DYNC2I1: variants seen among roughly 807,000 people sequenced by gnomAD.
The protein encoded by DYNC2I1 is cytoplasmic dynein 2 intermediate chain 1.
A neutral mutation model predicts 133.4 loss-of-function variants in DYNC2I1; 89 were observed. The ratio of observed to expected loss-of-function variants is 0.67; its 90% CI spans 0.56 to 0.80. The LOEUF is 0.80. Ranked by LOEUF, DYNC2I1 falls within the 30% of genes least tolerant of loss-of-function variation. The pLI is 0.00. For synonymous variants in DYNC2I1, 504 were observed against 484.3 expected (o/e 1.04, Z -0.54); for missense variants, 1,291 against 1,314.5 (o/e 0.98, Z 0.28).
In DYNC2I1 at chr7:158,891,252, C is replaced by A. The variant is rs2129482378; in HGVS notation, c.991-13C>A. 1 of 1,613,988 alleles carries A rather than the reference C, an allele frequency of 6.2e-7. No individual in the cohort carries two copies. The highest frequency in any genetic ancestry group is 1.3e-5 in the African/African-American group (1 of 75,060). ...CTGTGTCCTGGCTGATGGGGCTGTT[C>A]TCTCTCCATTAGCATGGCCACGAGG... is the stretch of plus-strand genomic sequence containing the variant. On this transcript the variant is annotated splice_polypyrimidine_tract_variant and intron_variant, in intron 7 of 24. Coordinates refer to ENST00000407559, the MANE Select transcript of DYNC2I1 (RefSeq NM_018051.5).
chr7:158,950,090 TTTTA>T (rs1470011414), downstream of DYNC2I1, among the ~76,000 whole-genome samples: 1 of 150,944 alleles, frequency 6.6e-6, no homozygotes, highest in Non-Finnish European at 1.5e-5. Flanking sequence ...GTTTTTAAAA[TTTTA>T]TTTATTTTTG....
intron 1 of DYNC2I1, among the ~76,000 whole-genome samples, chr7:158,868,310 G>T (rs184657039): frequency 9.2e-5 from 14 of 152,178 alleles, no homozygotes; most frequent in African/African-American, 3.4e-4. Context: ...GCACAGTGTG[G>T]ATTCTCTAAT....
chr7:158,870,129 A>G (rs1200617059), intron 2 of DYNC2I1, among the ~76,000 whole-genome samples: 1 of 151,954 alleles, frequency 6.6e-6, no homozygotes, highest in Non-Finnish European at 1.5e-5. Context: ...GCCATGGCTC[A>G]GGGGCCTCCG....
At chr7:158,883,911 G>A (rs1318920929) in intron 5 of DYNC2I1, among the ~76,000 whole-genome samples, 4 of 151,628 alleles carry the variant, frequency 2.6e-5, no homozygotes, top group South Asian at 2.1e-4. Flanking sequence ...TGATCCGCCC[G>A]CCTCGGCCTC....
chr7:158,906,129 T>C (rs1408136908), intron 11 of DYNC2I1, 38 bp downstream of exon 11: 4 of 1,543,152 alleles, frequency 2.6e-6, no homozygotes, highest in African/African-American at 2.8e-5. Context: ...GTGTTCAGGG[T>C]TTTAGCTTAA....
At chr7:158,866,205 C>T (rs919529661) in intron 1 of DYNC2I1, among the ~76,000 whole-genome samples, 2 of 152,060 alleles carry the variant, frequency 1.3e-5, no homozygotes, top group African/African-American at 4.8e-5. Context: ...ATGTCCTCAG[C>T]GTCCCCTGTG....
downstream of DYNC2I1, among the ~76,000 whole-genome samples, chr7:158,946,588 G>A (rs773860424): frequency 9.2e-5 from 14 of 152,250 alleles, no homozygotes; most frequent in South Asian, 2.1e-4. Context: ...TGACAGCACC[G>A]ATCCATTCAC....
intron 20 of DYNC2I1, among the ~76,000 whole-genome samples, chr7:158,928,096 G>A (rs914887514): frequency 6.6e-6 from 1 of 152,182 alleles, no homozygotes; most frequent in African/African-American, 2.4e-5. Context: ...TCCCAGGGTG[G>A]CAAAGGTCCC....
chr7:158,908,123 TA>T (rs1363906035), intron 11 of DYNC2I1, among the ~76,000 whole-genome samples: 1 of 152,104 alleles, frequency 6.6e-6, no homozygotes, highest in Admixed American at 6.5e-5. Flanking sequence ...CCACACTTTA[TA>T]CGCGTGTGGG....
intron 14 of DYNC2I1, 30 bp downstream of exon 14, chr7:158,914,351 C>G (rs374941327): frequency 2.6e-6 from 4 of 1,562,010 alleles, no homozygotes; most frequent in Admixed American, 1.8e-5. Context: ...GTTGTGTTCT[C>G]TGTGTAAGTG....
intron 14 of DYNC2I1, among the ~76,000 whole-genome samples, chr7:158,918,503 T>C (rs1269763719): frequency 6.6e-6 from 1 of 152,184 alleles, no homozygotes; most frequent in Non-Finnish European, 1.5e-5. Flanking sequence ...GTGTATGTGG[T>C]GTGAAAAACA....
the DYNC2I1 span, among the ~76,000 whole-genome samples, chr7:158,844,841 G>A: frequency 1.5e-4 from 23 of 152,176 alleles, no homozygotes; most frequent in South Asian, 2.1e-3. Context: ...GGCTGGTCTC[G>A]AACTCCCGAC....
At chr7:158,937,900 AAAAAG>A (rs1474660507) in intron 23 of DYNC2I1, among the ~76,000 whole-genome samples, 3 of 152,182 alleles carry the variant, frequency 2.0e-5, no homozygotes, top group Admixed American at 6.5e-5. Flanking sequence ...TACTGTTTCT[AAAAAG>A]AAAAAAGAAA....
rs138601045 is a variant in DYNC2I1, at chr7:158,942,866, C to T, written c.3002+718C>T. ...CGTGATGTCACTGATGGAATTAAGA[C>T]GGCTGCACTCCCATCAACACCACTG... On this transcript the variant is annotated intron_variant, in intron 24 of 24. Coordinates refer to ENST00000407559, the MANE Select transcript of DYNC2I1 (RefSeq NM_018051.5). Among the ~76,000 whole-genome samples the T allele has an allele frequency of 1.2e-4, 19 of 152,316 alleles. No homozygotes were observed. The East Asian group carries it at 2.3e-3, about 19-fold the overall frequency.
Position 158,856,742 on chromosome 7 carries a change from C to T in DYNC2I1, c.7C>T (p.Pro3Ser). The T allele has an allele frequency of 8.1e-7, 1 of 1,234,812 alleles. No homozygotes were observed. Among genetic ancestry groups the T allele is most frequent in the East Asian group, 3.2e-5 (1 of 31,630 alleles). 76.5% of individuals were successfully genotyped at this position (1,234,812 alleles called of 1,614,324 possible). A position where few individuals can be genotyped will look rare whatever the true frequency, so the allele number is the denominator to read the frequency against. ...CCCGGGCCTGCGGGAAGCGATGGAG[C>T]CCGGGAAGGTCGGTGCGGCGCTGGG... ME[P>S]GKRRTKDDTW... The change falls in exon 1 of 25, where the codon CCC (proline) becomes TCC (serine). Residue 3 changes from proline (P) to serine (S), a missense_variant. Physicochemically the swap from Pro to Ser is moderately conservative, Grantham distance 74. Transcript: ENST00000407559.
chr7:158,841,287 A>G, the DYNC2I1 span, among the ~76,000 whole-genome samples: 2 of 145,948 alleles, frequency 1.4e-5, no homozygotes, highest in Admixed American at 7.1e-5. Flanking sequence ...GCTCACTGCA[A>G]CCTCCACCTC....
intron 1 of DYNC2I1, among the ~76,000 whole-genome samples, chr7:158,864,627 A>G (rs1178667576): frequency 6.6e-6 from 1 of 151,444 alleles, no homozygotes; most frequent in Non-Finnish European, 1.5e-5. Flanking sequence ...CTCCTGTCTT[A>G]GCCTCCTGAG....
At chr7:158,931,562 A>G (rs955298609) in intron 21 of DYNC2I1, among the ~76,000 whole-genome samples, 8 of 151,930 alleles carry the variant, frequency 5.3e-5, no homozygotes, top group East Asian at 3.9e-4. Flanking sequence ...TATCTCTGCT[A>G]GGGCCCTTAT....
At chr7:158,942,310 T>C (rs1374127536) in intron 24 of DYNC2I1, among the ~76,000 whole-genome samples, 162 bp downstream of exon 24, 1 of 152,230 alleles carries the variant, frequency 6.6e-6, no homozygotes, top group African/African-American at 2.4e-5. Flanking sequence ...TTAAAAAGTA[T>C]TGTTTTTGAG....
Sources: allele counts gnomAD v4.1 joint callset (sites outside exome capture counted in the v4.1 genomes callset), GRCh38; gene constraint gnomAD v4.1.1; transcripts MANE v1.5; gene names NCBI Gene and HGNC (gene_info 2026-07-23, HGNC 2026-07-21).